BBS7: variants seen among roughly 807,000 people sequenced by gnomAD.
The protein encoded by BBS7 is Bardet-Biedl syndrome 7.
BBS7 carries 50 observed loss-of-function variants against 90.3 expected under a neutral mutation model. That is an observed-to-expected ratio of 0.55 (90% CI 0.44 to 0.70). The LOEUF (loss-of-function observed/expected upper bound fraction) is 0.70, where lower values mean the gene tolerates loss of function less well. Ranked by LOEUF, BBS7 falls within the 30% of genes least tolerant of loss-of-function variation. The pLI, the probability that BBS7 is intolerant of heterozygous loss-of-function variation, is 0.00. For synonymous variants in BBS7, 235 were observed against 287.4 expected (o/e 0.82, Z 1.85); for missense variants, 729 against 838.9 (o/e 0.87, Z 1.62).
chr4:121,856,935 A>G, intron 5 of BBS7, among the ~76,000 whole-genome samples: 1 of 151,790 alleles, frequency 6.6e-6, no homozygotes, highest in East Asian at 1.9e-4. Context: ...TGCCTGGCTA[A>G]GTTTTGTATT....
At chr4:121,861,387 C>A in intron 4 of BBS7, 117 bp downstream of exon 4, 2 of 964,436 alleles carry the variant, frequency 2.1e-6, no homozygotes, top group South Asian at 1.7e-5. Flanking sequence ...AATAAAATAC[C>A]TTTAGTTAAT....
At chr4:121,837,371 A>G (rs1475264052) in intron 13 of BBS7, among the ~76,000 whole-genome samples, 1 of 152,200 alleles carries the variant, frequency 6.6e-6, no homozygotes, top group Non-Finnish European at 1.5e-5. Context: ...ATTACCTATT[A>G]TCGGTTAGAC....
At chr4:121,847,360 C>T in intron 10 of BBS7, 44 bp downstream of exon 10, 3 of 1,305,176 alleles carry the variant, frequency 2.3e-6, no homozygotes, top group East Asian at 2.3e-5. Flanking sequence ...CAACCACACA[C>T]TTCATGAGAT....
chr4:121,850,364 C>T (rs868430662), intron 8 of BBS7, among the ~76,000 whole-genome samples: 1 of 151,982 alleles, frequency 6.6e-6, no homozygotes, highest in South Asian at 2.1e-4. Flanking sequence ...TGGGGTCTCC[C>T]TCTGTTGCCC....
chr4:121,845,631 TGAGAA>T lies in BBS7; in HGVS notation c.1098_1102del (p.Ser367IlefsTer15). The T allele has an allele frequency of 6.2e-7, 1 of 1,613,186 alleles. No homozygotes were observed. Among genetic ancestry groups the T allele is most frequent in the Non-Finnish European group, 8.5e-7 (1 of 1,179,376 alleles). On this transcript the variant is annotated frameshift_variant, in exon 11 of 19. Transcript: ENST00000264499. LOFTEE classifies it high-confidence loss of function. ...TACTGCTGATTTTGCTTTGCTTGAT[TGAGAA>T]GACTGTTGATAATTCTCTCTTTCCT... is the stretch of plus-strand genomic sequence containing the variant.
At position 121,828,703 on chromosome 4, in the gene BBS7, C is replaced by G; in HGVS notation, c.1702G>C (p.Asp568His). ...AGGATGGAGATAGTAGAAATGTTGT[C>G]AGATTTAAAAACTCCCTCTCCTTTT... Reference protein sequence around the residue: ...YRKGEGVFKSDNISTISILKD... With the variant: ...YRKGEGVFKSHNISTISILKD... The change falls in exon 16 of 19, where the codon GAC becomes CAC. Residue 568 changes from aspartate to histidine, a missense_variant. Asp to His is a moderately conservative substitution (Grantham distance 81). Coordinates refer to ENST00000264499, the MANE Select transcript of BBS7 (RefSeq NM_176824.3). 6.2e-7 allele frequency: 1 copy of G among 1,602,756 alleles called. No individual in the cohort carries two copies. Among genetic ancestry groups the G allele is most frequent in the Non-Finnish European group, 8.5e-7 (1 of 1,173,704 alleles).
intron 4 of BBS7, 100 bp downstream of exon 4, chr4:121,861,404 T>C: frequency 8.9e-7 from 1 of 1,117,646 alleles, no homozygotes. Context: ...TAATTTTATT[T>C]TCCAGAAAGC....
In BBS7 at chr4:121,828,444, C is replaced by G; in HGVS notation, c.1848G>C (p.Gln616His). The G allele has an allele frequency of 1.2e-6, 2 of 1,613,952 alleles. No individual in the cohort carries two copies. Among genetic ancestry groups the G allele is most frequent in the Non-Finnish European group, 1.7e-6 (2 of 1,179,904 alleles). The change falls in exon 17 of 19, where the codon CAG becomes CAC. Residue 616 changes from glutamine to histidine, a missense_variant. By Grantham distance (24) the Gln-to-His change is conservative. Coordinates refer to ENST00000264499, the MANE Select transcript of BBS7 (RefSeq NM_176824.3). ...LKLIHPKLEY[Q>H]LLLAKKVQLI... ...ACTGCACTTTCTTAGCCAAAAGCAACTGGTACTCCAGCTTTGGGTGGATTA... is the reference window on the plus strand; with the variant it reads ...ACTGCACTTTCTTAGCCAAAAGCAAGTGGTACTCCAGCTTTGGGTGGATTA...
At chr4:121,837,380 A>T (rs1043320300) in intron 13 of BBS7, among the ~76,000 whole-genome samples, 1 of 152,190 alleles carries the variant, frequency 6.6e-6, no homozygotes, top group African/African-American at 2.4e-5. Flanking sequence ...TATCGGTTAG[A>T]CAATGAAGTC....
chr4:121,863,013 C>T (rs1350311198), intron 3 of BBS7, among the ~76,000 whole-genome samples: 3 of 152,158 alleles, frequency 2.0e-5, no homozygotes, highest in Non-Finnish European at 2.9e-5. Flanking sequence ...AAGTAACCCA[C>T]GACCACAGGA....
At chr4:121,863,306 A>G (rs1263002731) in intron 2 of BBS7, 27 bp from the exon 3 acceptor site, 1 of 1,545,432 alleles carries the variant, frequency 6.5e-7, no homozygotes, top group South Asian at 1.1e-5. Flanking sequence ...ATAATCTAAA[A>G]TTACTATTAT....
intron 15 of BBS7, 54 bp downstream of exon 15, chr4:121,833,177 G>C (rs781253818): frequency 8.2e-5 from 127 of 1,557,904 alleles, no homozygotes; most frequent in Admixed American, 1.5e-4. Context: ...GGAAAACTTA[G>C]AAGCTACATT....
chr4:121,860,056 T>C (rs1726893453), intron 4 of BBS7, among the ~76,000 whole-genome samples: 1 of 152,124 alleles, frequency 6.6e-6, no homozygotes. Flanking sequence ...AAATTTTATA[T>C]TAAAATTATT....
rs1183542665 is a variant in BBS7, at chr4:121,859,213, G to T, written c.342-35C>A. The T allele has an allele frequency of 5.1e-6, 8 of 1,583,356 alleles. No homozygotes were observed. In the Admixed American group the frequency reaches 1.0e-4, roughly 20 times the overall value. On this transcript the variant is annotated intron_variant, in intron 4 of 18. Coordinates refer to ENST00000264499, the MANE Select transcript of BBS7 (RefSeq NM_176824.3). Reference sequence around the variant, plus strand: ...TTAAAATAGTAATTTTTAAAAATAAGCACAGGTACTGAATTTTTTTCAGAG... The same window carrying T: ...TTAAAATAGTAATTTTTAAAAATAATCACAGGTACTGAATTTTTTTCAGAG...
rs774544104 is a variant in BBS7, at chr4:121,852,947, T to A, written c.849+9A>T. 2.5e-6 allele frequency: 4 copies of A among 1,613,208 alleles called. No individual in the cohort carries two copies. The South Asian group carries it at 4.4e-5, about 18-fold the overall frequency. ...ATAATAAGCATATAGTCTTTTTTAA[T>A]GAACTTACCTGATCAAATCGTAGAA... On this transcript the variant is annotated intron_variant, in intron 8 of 18. Transcript: ENST00000264499.
chr4:121,844,074 A>G (rs1002635310), intron 11 of BBS7, 73 bp from the exon 12 acceptor site: 3 of 941,318 alleles, frequency 3.2e-6, no homozygotes, highest in Non-Finnish European at 3.3e-6. Context: ...TGTTTTCTCT[A>G]AGAGTTCTCC....
At chr4:121,869,363 T>C (rs1227507922) in intron 1 of BBS7, among the ~76,000 whole-genome samples, 1 of 152,162 alleles carries the variant, frequency 6.6e-6, no homozygotes, top group Non-Finnish European at 1.5e-5. Context: ...GTCCGAGACT[T>C]TGATTCAAAT....
rs192147451 is a variant in BBS7, at chr4:121,827,148, A to G, written c.2014+998T>C. Among the ~76,000 whole-genome samples, 3 of 152,360 alleles carry G rather than the reference A, an allele frequency of 2.0e-5. No individual in the cohort carries two copies. The East Asian group carries it at 5.8e-4, about 29-fold the overall frequency. ...CTGTCTGGATTTTGCAATCAGTGAT[A>G]TTATGTACAGCCAATCTCATAAGTT... is the stretch of plus-strand genomic sequence containing the variant. On this transcript the variant is annotated intron_variant, in intron 18 of 18. Coordinates refer to ENST00000264499, the MANE Select transcript of BBS7 (RefSeq NM_176824.3).
In BBS7 at chr4:121,863,265, A is replaced by G; in HGVS notation, c.117T>C (p.Asp39=). ...CAAAGCACATAACTACCCCATCATG[A>G]TCTCCAATAACCACCTGTAATAGAT... The part of the protein sequence containing the change: ...HRATQKVVIG[D]HDGVVMCFGM... The change falls in exon 3 of 19, where the codon GAT becomes GAC. Residue 39 remains aspartate, a synonymous_variant. Coordinates refer to ENST00000264499, the MANE Select transcript of BBS7 (RefSeq NM_176824.3). 1 of 1,613,598 alleles carries G rather than the reference A, an allele frequency of 6.2e-7. No homozygotes were observed. Among genetic ancestry groups the G allele is most frequent in the Non-Finnish European group, 8.5e-7 (1 of 1,179,638 alleles).
Sources: gnomAD v4.1 joint callset for allele counts (sites outside exome capture counted in the v4.1 genomes callset) on GRCh38, gnomAD v4.1.1 for gene constraint, MANE v1.5 for transcripts, NCBI Gene and HGNC (gene_info 2026-07-23, HGNC 2026-07-21) for gene names.